Variants in RHBDD3 observed in about 807,000 individuals in gnomAD.
The protein encoded by RHBDD3 is rhomboid domain-containing protein 3.
A neutral mutation model predicts 32.3 loss-of-function variants in RHBDD3; 34 were observed. The ratio of observed to expected loss-of-function variants is 1.05; its 90% CI spans 0.80 to 1.40. RHBDD3 has a LOEUF of 1.40. Ranked by LOEUF, RHBDD3 falls within the 40% of genes most tolerant of loss-of-function variation. The probability of loss-of-function intolerance (pLI) is 0.00; values close to 1 mark genes in which losing one functional copy is unlikely to be tolerated. For missense variants in RHBDD3, 482 were observed against 492.6 expected (o/e 0.98, Z 0.20); for synonymous variants, 249 against 239.1 (o/e 1.04, Z -0.38).
rs1370759549 is a variant in RHBDD3, at chr22:29,260,769, G to A, written c.628C>T (p.Pro210Ser). ...CCCGGGGTGGCAAGGAGCCTCAGGG[G>A]CCAGCACCCCGCCAAGGTCCTGCAC... ...VLCRTLAGCW[P>S]LRLLATPGSL... is the part of the protein sequence containing the mutation. Residue 210 changes from proline to serine, a missense_variant, in exon 5 of 7, where the codon CCC becomes TCC. Physicochemically the swap from Pro to Ser is moderately conservative, Grantham distance 74 (BLOSUM62 -1). Coordinates refer to ENST00000216085, the MANE Select transcript of RHBDD3 (RefSeq NM_012265.3). The A allele has an allele frequency of 6.2e-7, 1 of 1,604,032 alleles. No individual in the cohort carries two copies. The highest frequency in any genetic ancestry group is 8.5e-7 in the Non-Finnish European group (1 of 1,176,418).
Position 29,263,776 on chromosome 22 carries a change from A to T in RHBDD3, c.532+59T>A. 3.4e-6 allele frequency: 5 copies of T among 1,459,376 alleles called. No homozygotes were observed. The South Asian group carries it at 7.2e-5, about 21-fold the overall frequency. The allele number at this position is 1,459,376 out of a possible 1,614,324, so 90.4% of individuals were successfully genotyped here. ...CACCCCTTTGTGCCACTTCCTTCCCAGGCACCCACCCACAGAACCCACACA... is the reference window on the plus strand; with the variant it reads ...CACCCCTTTGTGCCACTTCCTTCCCTGGCACCCACCCACAGAACCCACACA... On this transcript the variant is annotated intron_variant, in intron 4 of 6. Transcript: ENST00000216085.
At chr22:29,261,233 C>T (rs556886652) in intron 4 of RHBDD3, 3 of 509,590 alleles carry the variant, frequency 5.9e-6, no homozygotes, top group African/African-American at 1.9e-5. Context: ...TGGATAACTC[C>T]TGTCACCAAT....
chr22:29,265,796 C>G (rs1402816483), intron 2 of RHBDD3, 128 bp from the exon 3 acceptor site: 8 of 965,602 alleles, frequency 8.3e-6, no homozygotes, highest in Non-Finnish European at 1.1e-5. Flanking sequence ...GGCCCAGCAG[C>G]TTGGCCTTAG....
chr22:29,264,446 C>T (rs543701715), intron 3 of RHBDD3: 12 of 1,321,574 alleles, frequency 9.1e-6, no homozygotes, highest in Admixed American at 3.6e-5. Flanking sequence ...ATACACTGGA[C>T]GTGCCACTCA....
At chr22:29,265,967 A>G (rs1020271801) in intron 2 of RHBDD3, among the ~76,000 whole-genome samples, 4 of 152,144 alleles carry the variant, frequency 2.6e-5, no homozygotes, top group African/African-American at 9.7e-5. Flanking sequence ...GGGCGAATTC[A>G]GGGCCATCTC....
In RHBDD3 at chr22:29,260,697, C is replaced by G. The variant is rs992966583; in HGVS notation, c.695+5G>C. The G allele has an allele frequency of 6.4e-7, 1 of 1,570,994 alleles. No homozygotes were observed. The highest frequency in any genetic ancestry group is 8.6e-7 in the Non-Finnish European group (1 of 1,159,192). ...CTGGACTGGCATCCCCCCCATCACC[C>G]TCACCTCACTCCGGCAGGATGGGTG... is the stretch of plus-strand genomic sequence containing the variant. On this transcript the variant is annotated splice_donor_5th_base_variant and intron_variant, in intron 5 of 6. Coordinates refer to ENST00000216085, the MANE Select transcript of RHBDD3 (RefSeq NM_012265.3).
At position 29,263,847 on chromosome 22, in the gene RHBDD3, C is replaced by A. The variant is rs907691104; in HGVS notation, c.520G>T (p.Ala174Ser). The change falls in exon 4 of 7, where the codon GCC becomes TCC. Residue 174 changes from alanine to serine, a missense_variant. Transcript: ENST00000216085. The part of the protein sequence containing the change: ...PFLQLLCGLL[A>S]GLAYAAGAFR... ...AGGCAAAGGATACAGGCCAGGCCGG[C>A]AAGGAGGCCGCAAAGGAGCTGCAGG... 2 of 1,534,974 alleles carry A rather than the reference C, an allele frequency of 1.3e-6. No individual in the cohort carries two copies. The highest frequency in any genetic ancestry group is 1.8e-6 in the Non-Finnish European group (2 of 1,136,074).
At chr22:29,266,880 G>C (rs1296683458) in intron 2 of RHBDD3, among the ~76,000 whole-genome samples, 4 of 152,200 alleles carry the variant, frequency 2.6e-5, no homozygotes, top group Non-Finnish European at 5.9e-5. Flanking sequence ...CCTCCATTTT[G>C]CCAGCAGGCA....
rs907691104 is a variant in RHBDD3, at chr22:29,263,847, C to G, written c.520G>C (p.Ala174Pro). 7.2e-6 allele frequency: 11 copies of G among 1,534,976 alleles called. No homozygotes were observed. In the African/African-American group the frequency reaches 1.4e-4, roughly 19 times the overall value. ...PFLQLLCGLLAGLAYAAGAFR... is the reference protein window; with the variant it reads ...PFLQLLCGLLPGLAYAAGAFR... ...AGGCAAAGGATACAGGCCAGGCCGG[C>G]AAGGAGGCCGCAAAGGAGCTGCAGG... The change falls in exon 4 of 7, where the codon GCC becomes CCC. Residue 174 changes from alanine (A) to proline (P), a missense_variant. Coordinates refer to ENST00000216085, the MANE Select transcript of RHBDD3 (RefSeq NM_012265.3).
At chr22:29,262,887 G>A (rs1487295328) in intron 4 of RHBDD3, among the ~76,000 whole-genome samples, 1 of 149,910 alleles carries the variant, frequency 6.7e-6, no homozygotes, top group Non-Finnish European at 1.5e-5. Flanking sequence ...TTGTTTTTTG[G>A]GGTTTGAGAC....
chr22:29,264,511 A>G (rs1164987326), intron 3 of RHBDD3: 2 of 1,198,710 alleles, frequency 1.7e-6, no homozygotes, highest in Non-Finnish European at 2.1e-6. Context: ...GACACCATGA[A>G]GGTACTCTGC....
Position 29,259,955 on chromosome 22 carries a change from C to T in RHBDD3, c.*105G>A. 1.7e-6 allele frequency: 2 copies of T among 1,192,542 alleles called. No individual in the cohort carries two copies. Among genetic ancestry groups the T allele is most frequent in the Non-Finnish European group, 2.3e-6 (2 of 864,722 alleles). 73.9% of individuals were successfully genotyped at this position (1,192,542 alleles called of 1,614,324 possible). ...TCTCCTGCCTCCAGAGGTGCCCCTG[C>T]TCCCCACTGTGGCCCTCTTTAGACA... On this transcript the variant is annotated 3_prime_UTR_variant, in exon 7 of 7. Transcript: ENST00000216085.
chr22:29,264,041 CCTGCCAGCAGCA>C lies in RHBDD3; in HGVS notation c.314_325del (p.Val105_Ala108del), dbSNP rs746121766. Reference sequence around the variant, plus strand: ...GCCGGCTGCACTGGACAGCCCAAGGCCTGCCAGCAGCACTGCCAGCAGCCCAGAAGCCAGGGC... The same window carrying C: ...GCCGGCTGCACTGGACAGCCCAAGGCCTGCCAGCAGCCCAGAAGCCAGGGC... On this transcript the variant is annotated inframe_deletion, in exon 4 of 7. Coordinates refer to ENST00000216085, the MANE Select transcript of RHBDD3 (RefSeq NM_012265.3). 5.7e-6 allele frequency: 9 copies of C among 1,566,088 alleles called. No individual in the cohort carries two copies. Among genetic ancestry groups the C allele is most frequent in the African/African-American group, 2.7e-5 (2 of 74,202 alleles).
Position 29,260,914 on chromosome 22 carries a change from G to C in RHBDD3, c.533-50C>G. On this transcript the variant is annotated intron_variant, in intron 4 of 6. Coordinates refer to ENST00000216085, the MANE Select transcript of RHBDD3 (RefSeq NM_012265.3). ...GGTCAAGGAAAACCAAAAGCAGCCA[G>C]GGGTGGGCCCACGCCACAGGCCAGG... 2.7e-6 allele frequency: 4 copies of C among 1,489,744 alleles called. No individual in the cohort carries two copies. In the South Asian group the frequency reaches 5.5e-5, roughly 20 times the overall value. The allele number at this position is 1,489,744 out of a possible 1,614,324, so 92.3% of individuals were successfully genotyped here. A position where few individuals can be genotyped will look rare whatever the true frequency, so the allele number is the denominator to read the frequency against.
rs972856181 is a variant in RHBDD3 at position 29,265,565 on chromosome 22, A to C, written c.62T>G (p.Leu21Arg). 4.4e-6 allele frequency: 7 copies of C among 1,588,730 alleles called. No individual in the cohort carries two copies. The African/African-American group carries it at 9.6e-5, about 22-fold the overall frequency. ...SPALPLASSV[L>R]MLLMSTLWLV... ...CCACAGGGTGCTCATCAGCAGCATC[A>C]GGACTGAGGAGGCCAGAGGCAGTGC... Residue 21 changes from leucine to arginine, a missense_variant, in exon 3 of 7, where the codon CTG becomes CGG. By Grantham distance (102) the Leu-to-Arg change is moderately radical. Transcript: ENST00000216085.
chr22:29,267,384 C>T (rs556548517), intron 2 of RHBDD3, 42 bp downstream of exon 2: 1 of 152,896 alleles, frequency 6.5e-6, no homozygotes, highest in East Asian at 1.9e-4. Flanking sequence ...TCACTTTCTT[C>T]AATCTATGAA....
chr22:29,265,817 A>C (rs2058170279), intron 2 of RHBDD3, 149 bp from the exon 3 acceptor site: 2 of 712,696 alleles, frequency 2.8e-6, no homozygotes, highest in Non-Finnish European at 4.2e-6. Context: ...TGGAGCTCAG[A>C]CCCTAACCCA....
chr22:29,265,291 G>A, intron 3 of RHBDD3, 188 bp downstream of exon 3: 1 of 481,612 alleles, frequency 2.1e-6, no homozygotes, highest in Non-Finnish European at 3.6e-6. Flanking sequence ...CCCACCCTAG[G>A]GAGTCCTCTG....
chr22:29,267,885 G>A lies in RHBDD3; in HGVS notation c.-332C>T, dbSNP rs1478664871. 1 of 231,872 alleles carries A rather than the reference G, an allele frequency of 4.3e-6. No homozygotes were observed. 14.4% of individuals were successfully genotyped at this position (231,872 alleles called of 1,614,324 possible). A position where few individuals can be genotyped will look rare whatever the true frequency, so the allele number is the denominator to read the frequency against. ...GCCGCGTGACCCCTGCCGACCGGCT[G>A]GCGCGCCACCCATTCCCCGCGGCCC... On this transcript the variant is annotated 5_prime_UTR_variant, in exon 1 of 7. Transcript: ENST00000216085.
Sources: gnomAD v4.1 joint callset for allele counts (sites outside exome capture counted in the v4.1 genomes callset) on GRCh38, gnomAD v4.1.1 for gene constraint, MANE v1.5 for transcripts, NCBI Gene and HGNC (gene_info 2026-07-23, HGNC 2026-07-21) for gene names.